Variants in PRKCZ observed in about 807,000 individuals in gnomAD.
PRKCZ encodes protein kinase C zeta, also known as protein kinase C zeta type.
PRKCZ carries 33 observed loss-of-function variants against 79.5 expected under a neutral mutation model. The ratio of observed to expected loss-of-function variants is 0.41; its 90% confidence interval spans 0.31 to 0.55. The LOEUF is 0.55. Among genes scored for constraint, PRKCZ ranks in the 20% least tolerant of loss-of-function variants. The pLI is 0.19. For synonymous variants in PRKCZ, 342 were observed against 320.9 expected (o/e 1.07, Z -0.70); for missense variants, 578 against 813.5 (o/e 0.71, Z 3.52).
intron 4 of PRKCZ, among the ~76,000 whole-genome samples, chr1:2,069,088 G>T (rs1418787983): frequency 1.3e-5 from 2 of 152,220 alleles, no homozygotes; most frequent in Non-Finnish European, 1.5e-5. Flanking sequence ...CATCTTGAAC[G>T]GCGTCCGTTC....
chr1:2,153,635 C>T (rs984989022), intron 9 of PRKCZ, among the ~76,000 whole-genome samples: 1 of 152,224 alleles, frequency 6.6e-6, no homozygotes, highest in South Asian at 2.1e-4. Flanking sequence ...TGCTGGCCAG[C>T]GGCAGCACAG....
intron 4 of PRKCZ, among the ~76,000 whole-genome samples, chr1:2,063,984 T>G (rs530496151): frequency 6.6e-5 from 10 of 152,244 alleles, no homozygotes; most frequent in African/African-American, 2.4e-4. Flanking sequence ...TAGCTGGGAT[T>G]ACAGGCACCC....
intron 4 of PRKCZ, among the ~76,000 whole-genome samples, chr1:2,076,894 G>A (rs1179506886): frequency 6.6e-6 from 1 of 152,114 alleles, no homozygotes; most frequent in African/African-American, 2.4e-5. Context: ...ATCGGGGCCC[G>A]GCAGCTCATT....
At chr1:2,179,916 C>T (rs1686217846) in intron 16 of PRKCZ, among the ~76,000 whole-genome samples, 2 of 152,234 alleles carry the variant, frequency 1.3e-5, no homozygotes, top group Non-Finnish European at 2.9e-5. Flanking sequence ...AACGGAAAGA[C>T]GCAGAGGAGG....
chr1:2,102,291 G>T (rs1009552701), intron 4 of PRKCZ, among the ~76,000 whole-genome samples: 27 of 150,922 alleles, frequency 1.8e-4, no homozygotes, highest in African/African-American at 6.4e-4. Flanking sequence ...GCTTTGTGAA[G>T]CCTAGTACAC....
At chr1:2,068,050 G>A (rs984401741) in intron 4 of PRKCZ, among the ~76,000 whole-genome samples, 1 of 152,304 alleles carries the variant, frequency 6.6e-6, no homozygotes, top group Admixed American at 6.5e-5. Context: ...GACGTGTGGC[G>A]GCCCTGTCGG....
At chr1:2,104,383 G>T (rs1668007614) in intron 4 of PRKCZ, among the ~76,000 whole-genome samples, 1 of 152,200 alleles carries the variant, frequency 6.6e-6, no homozygotes, top group African/African-American at 2.4e-5. Context: ...ATAGACGCCA[G>T]TGCTTGCCCC....
At chr1:2,150,002 CAA>C (rs764428801) in intron 8 of PRKCZ, among the ~76,000 whole-genome samples, 8 of 119,554 alleles carry the variant, frequency 6.7e-5, no homozygotes, top group African/African-American at 6.1e-5. Flanking sequence ...ACTAAAAATA[CAA>C]AAAAAAAAAA....
rs1674423528 is a variant in PRKCZ, at chr1:2,128,804, A to AC, written c.335-6456dup. 1.3e-5 allele frequency among the ~76,000 whole-genome samples: 2 copies of AC among 151,986 alleles called. No homozygotes were observed. Among genetic ancestry groups the AC allele is most frequent in the Admixed American group, 1.3e-4 (2 of 15,248 alleles). On this transcript the variant is annotated intron_variant, in intron 4 of 17. Coordinates refer to ENST00000378567, the MANE Select transcript of PRKCZ (RefSeq NM_002744.6). The surrounding 1 kb of genome is among the most constrained non-coding windows in gnomAD (Gnocchi z 6.5). The stretch of plus-strand genomic sequence containing the variant: ...TGTGTCCACACGTACCCCCGGAAGG[A>AC]CCTCCTGCTAACCTGGGCTTGACTT...
intron 10 of PRKCZ, among the ~76,000 whole-genome samples, chr1:2,161,965 C>A (rs931955550): frequency 2.6e-5 from 4 of 151,990 alleles, no homozygotes; most frequent in African/African-American, 9.7e-5. Flanking sequence ...AACTTGTATC[C>A]CATTTTAACG....
intron 10 of PRKCZ, among the ~76,000 whole-genome samples, chr1:2,159,746 A>G (rs185945455): frequency 3.0e-4 from 46 of 152,322 alleles, no homozygotes; most frequent in Non-Finnish European, 1.8e-4. Flanking sequence ...TTAAGACACA[A>G]TAAGCACCTG....
chr1:2,153,403 A>C (rs981022671), intron 9 of PRKCZ, among the ~76,000 whole-genome samples: 5 of 152,226 alleles, frequency 3.3e-5, no homozygotes, highest in African/African-American at 1.2e-4. Flanking sequence ...TGGGCCACAG[A>C]GGGGGTCCCT....
intron 1 of PRKCZ, 80 bp downstream of exon 1, chr1:2,050,781 G>A: frequency 2.2e-6 from 2 of 914,864 alleles, no homozygotes; most frequent in East Asian, 3.4e-5. Flanking sequence ...GCTCCTGCGC[G>A]AGAGGGAGAG....
At chr1:2,081,609 G>C (rs1232783609) in intron 4 of PRKCZ, among the ~76,000 whole-genome samples, 1 of 152,156 alleles carries the variant, frequency 6.6e-6, no homozygotes, top group African/African-American at 2.4e-5. Context: ...AGGCGGGGAG[G>C]GGAGAAGTCA....
At chr1:2,154,285 G>A (rs1277203770) in intron 9 of PRKCZ, among the ~76,000 whole-genome samples, 1 of 152,148 alleles carries the variant, frequency 6.6e-6, no homozygotes, top group Non-Finnish European at 1.5e-5. Context: ...AGCCGTCGGG[G>A]GGCAGGTCTG....
chr1:2,152,345 C>A (rs539429055), intron 9 of PRKCZ, among the ~76,000 whole-genome samples: 1 of 152,150 alleles, frequency 6.6e-6, no homozygotes, highest in African/African-American at 2.4e-5. Flanking sequence ...CCAGCCTGAA[C>A]AATATGGTGA....
intron 4 of PRKCZ, among the ~76,000 whole-genome samples, chr1:2,120,895 C>T (rs915788501): frequency 3.3e-5 from 5 of 149,484 alleles, no homozygotes; most frequent in Non-Finnish European, 7.4e-5. Flanking sequence ...CTCACTGCAA[C>T]CTCCGCCTCC....
rs773631000 is a variant in PRKCZ at position 2,175,231 on chromosome 1, A to G, written c.1493A>G (p.Lys498Arg). Residue 498 changes from lysine to arginine, a missense_variant, in exon 16 of 18, where the codon AAA becomes AGA. By Grantham distance (26) the Lys-to-Arg change is conservative (BLOSUM62 2). This residue lies in a region of PRKCZ where 243 missense variants were observed against 467.0 expected (regional missense o/e 0.52). Coordinates refer to ENST00000378567, the MANE Select transcript of PRKCZ (RefSeq NM_002744.6). ...TTGAACTCTGACCTCCAGGACCCCA[A>G]AGAGAGGCTCGGCTGCCGGCCACAG... is the stretch of plus-strand genomic sequence containing the variant. ...VLKGFLNKDP[K>R]ERLGCRPQTG... The G allele has an allele frequency of 3.7e-6, 6 of 1,613,804 alleles. No individual in the cohort carries two copies. Among genetic ancestry groups the G allele is most frequent in the Non-Finnish European group, 4.2e-6 (5 of 1,179,862 alleles).
chr1:2,069,499 T>C (rs922605666), intron 4 of PRKCZ, among the ~76,000 whole-genome samples: 3 of 152,100 alleles, frequency 2.0e-5, no homozygotes, highest in African/African-American at 7.2e-5. Flanking sequence ...AACGGGGTGA[T>C]TGTAAATAAA....
Sources: allele counts gnomAD v4.1 joint callset (sites outside exome capture counted in the v4.1 genomes callset), GRCh38; gene constraint gnomAD v4.1.1; regional missense constraint gnomAD v4.1.1; non-coding constraint Gnocchi (gnomAD v3.1); transcripts MANE v1.5; gene names NCBI Gene and HGNC (gene_info 2026-07-23, HGNC 2026-07-21).